Variants in STT3B observed in about 807,000 individuals in gnomAD.
STT3B encodes the protein STT3 oligosaccharyltransferase complex catalytic subunit B, also known as dolichyl-diphosphooligosaccharide--protein glycosyltransferase subunit STT3B.
A neutral mutation model predicts 96.8 loss-of-function variants in STT3B; 29 were observed. The observed-to-expected ratio is 0.30, with a 90% confidence interval of 0.22 to 0.41. The LOEUF is 0.41. STT3B is among the 10% of genes least tolerant of loss of function. STT3B has a pLI of 1.00. For missense variants in STT3B, 640 were observed against 1,022.3 expected, an observed-to-expected ratio of 0.63 and a Z score of 5.10; for synonymous variants, 367 against 360.0, an observed-to-expected ratio of 1.02 and a Z score of -0.22.
At chr3:31,588,398 C>G (rs1340361135) in intron 3 of STT3B, among the ~76,000 whole-genome samples, 1 of 151,934 alleles carries the variant, frequency 6.6e-6, no homozygotes, top group East Asian at 1.9e-4. Flanking sequence ...CAGAGGACCT[C>G]ATAATTTGTG....
intron 1 of STT3B, among the ~76,000 whole-genome samples, chr3:31,543,678 G>A (rs1697335896): frequency 6.6e-6 from 1 of 152,184 alleles, no homozygotes; most frequent in Non-Finnish European, 1.5e-5. Context: ...TATAGAAGAA[G>A]GGAAGAGTTG....
At chr3:31,538,802 G>T (rs962541193) in intron 1 of STT3B, among the ~76,000 whole-genome samples, 9 of 152,104 alleles carry the variant, frequency 5.9e-5, no homozygotes, top group Admixed American at 2.6e-4. Flanking sequence ...CTATCTACCT[G>T]ATTCTGGTGG....
At chr3:31,534,100 C>T (rs955431817) in intron 1 of STT3B, among the ~76,000 whole-genome samples, 1 of 151,944 alleles carries the variant, frequency 6.6e-6, no homozygotes, top group Non-Finnish European at 1.5e-5. Context: ...AAGATCCTTA[C>T]CCTGTTAGCC....
In STT3B at chr3:31,591,378, C is replaced by A. The variant is rs1010963201; in HGVS notation, c.712-5420C>A. Among the ~76,000 whole-genome samples, 8 of 152,124 alleles carry A rather than the reference C, an allele frequency of 5.3e-5. No homozygotes were observed. The East Asian group carries it at 9.6e-4, about 18-fold the overall frequency. Reference sequence around the variant, plus strand: ...TTTCATTGACTGCGTATGGTTAGATCTTGCTTTTTTATCCAGACTGACCAT... The same window carrying A: ...TTTCATTGACTGCGTATGGTTAGATATTGCTTTTTTATCCAGACTGACCAT... On this transcript the variant is annotated intron_variant, in intron 3 of 15. Transcript: ENST00000295770.
intron 3 of STT3B, among the ~76,000 whole-genome samples, chr3:31,580,334 A>G (rs1253978556): frequency 1.3e-5 from 2 of 152,198 alleles, no homozygotes; most frequent in African/African-American, 4.8e-5. Context: ...CTATCATAAA[A>G]CAATCTGTTG....
intron 3 of STT3B, among the ~76,000 whole-genome samples, chr3:31,589,530 G>C (rs1032095131): frequency 6.6e-5 from 10 of 151,838 alleles, no homozygotes; most frequent in African/African-American, 2.4e-4. Context: ...ATCTCAGGGG[G>C]CATGATTATG....
At chr3:31,609,617 CAG>C (rs1205970552) in intron 5 of STT3B, among the ~76,000 whole-genome samples, 1 of 151,976 alleles carries the variant, frequency 6.6e-6, no homozygotes, top group African/African-American at 2.4e-5. Context: ...TGTTTTGAGA[CAG>C]AATCTCACTC....
At chr3:31,623,605 TCCA>T in intron 10 of STT3B, 66 bp from the exon 11 acceptor site, 1 of 1,219,248 alleles carries the variant, frequency 8.2e-7, no homozygotes, top group Admixed American at 2.3e-5. Context: ...CTCAACTTTT[TCCA>T]TTGAGTATCT....
At chr3:31,596,581 C>T (rs1192596405) in intron 3 of STT3B, among the ~76,000 whole-genome samples, 1 of 152,152 alleles carries the variant, frequency 6.6e-6, no homozygotes, top group African/African-American at 2.4e-5. Context: ...CTGAAAACTA[C>T]ATAACAGAGA....
At chr3:31,534,689 A>G (rs1371868841) in intron 1 of STT3B, among the ~76,000 whole-genome samples, 7 of 152,330 alleles carry the variant, frequency 4.6e-5, no homozygotes, top group Admixed American at 2.6e-4. Flanking sequence ...TGCAACATCT[A>G]TTGAACACCA....
chr3:31,548,318 G>T (rs1047609626), intron 1 of STT3B, among the ~76,000 whole-genome samples: 1 of 151,584 alleles, frequency 6.6e-6, no homozygotes, highest in Admixed American at 6.6e-5. Context: ...CAGGGAAAAT[G>T]AGCCATTTAA....
chr3:31,547,755 C>T (rs138686438), intron 1 of STT3B, among the ~76,000 whole-genome samples: 149 of 152,270 alleles, frequency 9.8e-4, no homozygotes, highest in Non-Finnish European at 1.6e-3. Context: ...ACAGCCTGAA[C>T]AAGTACAAAA....
Position 31,547,507 on chromosome 3 carries a change from A to T in STT3B, c.314+14195A>T, listed in dbSNP as rs939311083. Among the ~76,000 whole-genome samples the T allele has an allele frequency of 2.6e-5, 4 of 152,074 alleles. No homozygotes were observed. In the East Asian group the frequency reaches 7.7e-4, roughly 29 times the overall value. Reference sequence around the variant, plus strand: ...TAAAAATACAAAAAATCAGCCGGGCATGGTGGTGCATGCCTGTAATCCCAG... The same window carrying T: ...TAAAAATACAAAAAATCAGCCGGGCTTGGTGGTGCATGCCTGTAATCCCAG... On this transcript the variant is annotated intron_variant, in intron 1 of 15. Transcript: ENST00000295770.
At chr3:31,577,966 T>C (rs1458874099) in intron 2 of STT3B, among the ~76,000 whole-genome samples, 1 of 152,162 alleles carries the variant, frequency 6.6e-6, no homozygotes, top group South Asian at 2.1e-4. Context: ...TTTGGGATCA[T>C]CCCTGTAATA....
At chr3:31,541,548 G>A (rs1559357615) in intron 1 of STT3B, among the ~76,000 whole-genome samples, 1 of 147,286 alleles carries the variant, frequency 6.8e-6, no homozygotes, top group African/African-American at 2.5e-5. Flanking sequence ...CAATATGTAC[G>A]TAAGTAATAA....
intron 1 of STT3B, among the ~76,000 whole-genome samples, chr3:31,551,983 G>T (rs1348971332): frequency 6.6e-6 from 1 of 152,162 alleles, no homozygotes; most frequent in Non-Finnish European, 1.5e-5. Flanking sequence ...TCTGCTAGAA[G>T]CCTGAGTGAG....
At chr3:31,618,889 TAAAATA>T (rs1699369558) in intron 8 of STT3B, among the ~76,000 whole-genome samples, 1 of 151,972 alleles carries the variant, frequency 6.6e-6, no homozygotes, top group South Asian at 2.1e-4. Context: ...AATATAACTG[TAAAATA>T]AATTATACAG....
intron 5 of STT3B, among the ~76,000 whole-genome samples, chr3:31,608,311 G>A (rs879672415): frequency 3.6e-4 from 55 of 152,180 alleles, no homozygotes; most frequent in Non-Finnish European, 6.8e-4. Context: ...AGGCACTGAA[G>A]CTAGTTATTG....
chr3:31,552,919 C>T (rs200189954), intron 1 of STT3B, among the ~76,000 whole-genome samples: 16 of 151,856 alleles, frequency 1.1e-4, no homozygotes, highest in Middle Eastern at 3.4e-3. Context: ...CTGGCTAACA[C>T]GGTGAAACCC....
Sources: allele counts gnomAD v4.1 joint callset (sites outside exome capture counted in the v4.1 genomes callset), GRCh38; gene constraint gnomAD v4.1.1; transcripts MANE v1.5; gene names NCBI Gene and HGNC (gene_info 2026-07-23, HGNC 2026-07-21).